The following ALDH18A1 variants were observed in gnomAD, a reference collection of about 807,000 sequenced individuals.
The protein encoded by ALDH18A1 is delta-1-pyrroline-5-carboxylate synthase.
ALDH18A1 carries 44 observed loss-of-function variants against 88.8 expected under a neutral mutation model. The ratio of observed to expected loss-of-function variants is 0.50; its 90% CI spans 0.39 to 0.64. ALDH18A1 has a LOEUF of 0.64. ALDH18A1 is among the 30% of genes least tolerant of loss of function. The pLI, the probability that ALDH18A1 is intolerant of heterozygous loss-of-function variation, is 0.00. For synonymous variants in ALDH18A1, 331 were observed against 372.1 expected (o/e 0.89, Z 1.27); for missense variants, 782 against 1,009.5 (o/e 0.77, Z 3.05).
intron 5 of ALDH18A1, among the ~76,000 whole-genome samples, chr10:95,636,464 A>G (rs562416444): frequency 2.0e-5 from 3 of 152,324 alleles, no homozygotes; most frequent in East Asian, 1.9e-4. Flanking sequence ...AACAATGTAG[A>G]AAGAAGGTTC....
In ALDH18A1 at chr10:95,625,454, C is replaced by G. The variant is rs1388480013; in HGVS notation, c.1154G>C (p.Arg385Thr). The G allele has an allele frequency of 6.2e-7, 1 of 1,612,892 alleles. No homozygotes were observed. The highest frequency in any genetic ancestry group is 2.2e-5 in the East Asian group (1 of 44,860). Residue 385 changes from arginine to threonine, a missense_variant and splice_region_variant, in exon 11 of 18, where the codon AGA becomes ACA. Transcript: ENST00000371224. Reference protein sequence around the residue: ...RMLATLEPEQRAEIIHHLADL... With the variant: ...RMLATLEPEQTAEIIHHLADL... The stretch of plus-strand genomic sequence containing the variant: ...AGCCAGATGATGGATAATTTCTGCT[C>G]TCTAGAAGAAAGGTACACCATTAAA...
At chr10:95,612,660 G>A (rs1340028033) in intron 15 of ALDH18A1, among the ~76,000 whole-genome samples, 1 of 152,160 alleles carries the variant, frequency 6.6e-6, no homozygotes, top group African/African-American at 2.4e-5. Flanking sequence ...GGAATTTCAA[G>A]GCCATCCTCA....
At chr10:95,642,390 G>A (rs2097893395) in intron 3 of ALDH18A1, among the ~76,000 whole-genome samples, 1 of 152,116 alleles carries the variant, frequency 6.6e-6, no homozygotes, top group Non-Finnish European at 1.5e-5. Flanking sequence ...AAGGTGGGAG[G>A]ATCACTTGAG....
At chr10:95,609,995 C>A (rs1193457122) in intron 17 of ALDH18A1, among the ~76,000 whole-genome samples, 1 of 152,126 alleles carries the variant, frequency 6.6e-6, no homozygotes, top group Non-Finnish European at 1.5e-5. Context: ...GTCTCGAACT[C>A]CTGACCTCAG....
Position 95,606,243 on chromosome 10 carries a change from C to T in ALDH18A1, c.*519G>A, listed in dbSNP as rs1200378473. 3 of 996,386 alleles carry T rather than the reference C, an allele frequency of 3.0e-6. No homozygotes were observed. Among genetic ancestry groups the T allele is most frequent in the Admixed American group, 5.4e-5 (1 of 18,536 alleles). 61.7% of individuals were successfully genotyped at this position (996,386 alleles called of 1,614,324 possible). A position where few individuals can be genotyped will look rare whatever the true frequency, so the allele number is the denominator to read the frequency against. On this transcript the variant is annotated 3_prime_UTR_variant, in exon 18 of 18. Transcript: ENST00000371224. ...CAAATAAATACAAAAGGTCAATCTT[C>T]CCAGTGGAAATGATTCCATCGATTT... is the stretch of plus-strand genomic sequence containing the variant.
chr10:95,632,502 C>T (rs764317021), intron 7 of ALDH18A1, among the ~76,000 whole-genome samples: 4 of 152,126 alleles, frequency 2.6e-5, no homozygotes, highest in African/African-American at 7.2e-5. Flanking sequence ...TAGCTGGAAC[C>T]GCAGGCGCAT....
intron 2 of ALDH18A1, among the ~76,000 whole-genome samples, chr10:95,649,685 A>C (rs1452789756): frequency 6.6e-6 from 1 of 152,126 alleles, no homozygotes; most frequent in Non-Finnish European, 1.5e-5. Flanking sequence ...AAATGTGCCA[A>C]GACTGGGCAA....
At position 95,633,060 on chromosome 10, in the gene ALDH18A1, G is replaced by C. The variant is rs907248644; in HGVS notation, c.718-11C>G. The stretch of plus-strand genomic sequence containing the variant: ...TTTAACACTAATAACCTAGAATGCA[G>C]ATTAAAAAGTCATAAGTGAGTGAGC... On this transcript the variant is annotated splice_polypyrimidine_tract_variant and intron_variant, in intron 6 of 17. Transcript: ENST00000371224. 5 of 1,609,638 alleles carry C rather than the reference G, an allele frequency of 3.1e-6. No homozygotes were observed. The highest frequency in any genetic ancestry group is 4.3e-6 in the Non-Finnish European group (5 of 1,175,932).
intron 17 of ALDH18A1, among the ~76,000 whole-genome samples, chr10:95,609,751 T>A (rs1439726250): frequency 2.0e-5 from 3 of 149,560 alleles, no homozygotes; most frequent in African/African-American, 7.4e-5. Flanking sequence ...AATCCTACCT[T>A]GCCAGAAGTC....
chr10:95,619,634 CA>C (rs2097849148), intron 12 of ALDH18A1, among the ~76,000 whole-genome samples: 1 of 152,156 alleles, frequency 6.6e-6, no homozygotes, highest in Non-Finnish European at 1.5e-5. Context: ...AATAACACCA[CA>C]CATCTACAAC....
chr10:95,611,188 G>A (rs372288780), intron 16 of ALDH18A1, 68 bp downstream of exon 16: 4 of 1,588,014 alleles, frequency 2.5e-6, no homozygotes, highest in South Asian at 1.1e-5. Flanking sequence ...CCCAAGGGGG[G>A]CTAAGAGGAG....
chr10:95,641,331 C>T (rs938849601), intron 3 of ALDH18A1, among the ~76,000 whole-genome samples: 3 of 151,920 alleles, frequency 2.0e-5, no homozygotes, highest in Admixed American at 2.0e-4. Context: ...GTGGGGAGTC[C>T]CAGTTCTGGC....
At chr10:95,619,482 CA>C (rs1261757150) in intron 12 of ALDH18A1, among the ~76,000 whole-genome samples, 34 of 152,312 alleles carry the variant, frequency 2.2e-4, no homozygotes, top group African/African-American at 7.7e-4. Flanking sequence ...ATTGCCAAGA[CA>C]ATCCTAAGCA....
intron 17 of ALDH18A1, among the ~76,000 whole-genome samples, chr10:95,609,077 G>A (rs1199215769): frequency 1.3e-5 from 2 of 152,132 alleles, no homozygotes; most frequent in African/African-American, 4.8e-5. Context: ...GTTTCTCTAT[G>A]TTGGTCACGC....
In ALDH18A1 at chr10:95,637,196, G is replaced by A. The variant is rs1179268764; in HGVS notation, c.455C>T (p.Ala152Val). The A allele has an allele frequency of 6.2e-7, 1 of 1,614,210 alleles. No individual in the cohort carries two copies. The highest frequency in any genetic ancestry group is 8.5e-7 in the Non-Finnish European group (1 of 1,180,050). The part of the protein sequence containing the change: ...HSGQNQLKEM[A>V]IPVLEARACA... ...GGCTCGTGCCTCTAAGACTGGAATT[G>A]CCTGTAATATACCAATGAGACAAGG... The change falls in exon 5 of 18, where the codon GCA becomes GTA. Residue 152 changes from alanine to valine, a missense_variant and splice_region_variant. By Grantham distance (64) the Ala-to-Val change is moderately conservative. This residue lies in a region of ALDH18A1 where 132 missense variants were observed against 255.5 expected (regional missense o/e 0.52). Transcript: ENST00000371224.
chr10:95,616,495 G>T lies in ALDH18A1; in HGVS notation c.1587C>A (p.Val529=). 1 of 1,570,128 alleles carries T rather than the reference G, an allele frequency of 6.4e-7. No individual in the cohort carries two copies. The highest frequency in any genetic ancestry group is 8.6e-7 in the Non-Finnish European group (1 of 1,156,458). The change falls in exon 13 of 18, where the codon GTC becomes GTA. Residue 529 remains valine, a synonymous_variant. Coordinates refer to ENST00000371224, the MANE Select transcript of ALDH18A1 (RefSeq NM_002860.4). ...LTQEALSIHG[V]KEAVQLVNTR... is the part of the protein sequence containing the mutation. The stretch of plus-strand genomic sequence containing the variant: ...GACCTACCAGTTGCACGGCCTCCTT[G>T]ACTCCATGGATTGAGAGAGCCTCCT...
At chr10:95,646,404 C>T (rs911135996) in intron 2 of ALDH18A1, among the ~76,000 whole-genome samples, 1 of 152,040 alleles carries the variant, frequency 6.6e-6, no homozygotes, top group Non-Finnish European at 1.5e-5. Flanking sequence ...TGGCTGGAGA[C>T]AATAGGGTAA....
chr10:95,650,080 A>T (rs1451082703), intron 2 of ALDH18A1, among the ~76,000 whole-genome samples: 2 of 152,034 alleles, frequency 1.3e-5, no homozygotes, highest in Non-Finnish European at 2.9e-5. Context: ...ACAAAAAAAA[A>T]ATGGATCATG....
intron 17 of ALDH18A1, 27 bp from the exon 18 acceptor site, chr10:95,606,970 T>C (rs896221238): frequency 2.5e-6 from 4 of 1,609,440 alleles, no homozygotes; most frequent in East Asian, 4.5e-5. Context: ...ATAAAAGATG[T>C]AGCTTTTCCC....
Sources: allele counts gnomAD v4.1 joint callset (sites outside exome capture counted in the v4.1 genomes callset), GRCh38; gene constraint gnomAD v4.1.1; regional missense constraint gnomAD v4.1.1; transcripts MANE v1.5; gene names NCBI Gene and HGNC (gene_info 2026-07-23, HGNC 2026-07-21).